MSH5: variants seen among roughly 807,000 people sequenced by gnomAD.
MSH5 encodes mutS homolog 5, also known as mutS protein homolog 5.
In MSH5, 78 loss-of-function variants were observed where a neutral mutation model predicts 107.7. That is an observed-to-expected ratio of 0.72 (90% CI 0.60 to 0.87). The LOEUF is 0.87. Among genes scored for constraint, MSH5 ranks in the 40% least tolerant of loss-of-function variants. MSH5 has a pLI of 0.00. For synonymous variants in MSH5, 326 were observed against 399.5 expected (o/e 0.82, Z 2.19); for missense variants, 889 against 1,046.6 (o/e 0.85, Z 2.08).
At position 31,758,104 on chromosome 6, in the gene MSH5, C is replaced by T; in HGVS notation, c.1015-61C>T. ...GGTCTTTGTTCTTCTGAGTCTGTCCCTATCACCACCTCAACCCGAGCTGGA... is the reference window on the plus strand; with the variant it reads ...GGTCTTTGTTCTTCTGAGTCTGTCCTTATCACCACCTCAACCCGAGCTGGA... On this transcript the variant is annotated intron_variant, in intron 12 of 24. Coordinates refer to ENST00000375750, the MANE Select transcript of MSH5 (RefSeq NM_172166.4). The surrounding 1 kb of genome is among the most constrained non-coding windows in gnomAD (Gnocchi z 5.1). 1 of 1,605,796 alleles carries T rather than the reference C, an allele frequency of 6.2e-7. No homozygotes were observed. Among genetic ancestry groups the T allele is most frequent in the East Asian group, 2.2e-5 (1 of 44,758 alleles).
chr6:31,752,875 T>C (rs1810091607), intron 10 of MSH5, among the ~76,000 whole-genome samples: 1 of 152,208 alleles, frequency 6.6e-6, no homozygotes, highest in Non-Finnish European at 1.5e-5. Flanking sequence ...TATGAAAAGA[T>C]GAATGTCTGT....
At chr6:31,752,816 A>G (rs933427311) in intron 10 of MSH5, among the ~76,000 whole-genome samples, 2 of 152,076 alleles carry the variant, frequency 1.3e-5, no homozygotes, top group Admixed American at 1.3e-4. Flanking sequence ...ATTATTATGA[A>G]TTAAAGCTTA....
chr6:31,753,830 G>T, intron 12 of MSH5: 1 of 539,030 alleles, frequency 1.9e-6, no homozygotes, highest in South Asian at 2.4e-5. Flanking sequence ...CTGGGTTCAA[G>T]CAATTCTGCC....
chr6:31,746,055 CG>C (rs1809418575), intron 9 of MSH5: 1 of 136,694 alleles, frequency 7.3e-6, no homozygotes, highest in Admixed American at 7.8e-5. Context: ...CGTGAGCCAC[CG>C]CGCCTGGCCA....
At position 31,758,486 on chromosome 6, in the gene MSH5, A is replaced by T. The variant is rs1365610631; in HGVS notation, c.1144-62A>T. The T allele has an allele frequency of 6.3e-7, 1 of 1,596,996 alleles. No homozygotes were observed. On this transcript the variant is annotated intron_variant, in intron 13 of 24. Transcript: ENST00000375750. The surrounding 1 kb of genome is among the most constrained non-coding windows in gnomAD (Gnocchi z 5.1). ...GGACTGCAGGGAGAATTGGGGCCCA[A>T]GGAGAGCTGAGGAACAGGACAGAGG...
At chr6:31,762,278 T>G in intron 24 of MSH5, 93 bp downstream of exon 24, 3 of 1,478,602 alleles carry the variant, frequency 2.0e-6, no homozygotes, top group Non-Finnish European at 1.9e-6. Flanking sequence ...TCCAGCACTT[T>G]GCCCTTCAGA....
intron 10 of MSH5, among the ~76,000 whole-genome samples, chr6:31,752,904 C>G (rs1293302281): frequency 3.9e-5 from 6 of 152,152 alleles, no homozygotes; most frequent in African/African-American, 1.4e-4. Context: ...CCCAGAGACA[C>G]TTTCACAGCT....
At chr6:31,745,186 T>C (rs373103984) in intron 8 of MSH5, 51 bp from the exon 9 acceptor site, 6 of 1,076,108 alleles carry the variant, frequency 5.6e-6, no homozygotes, top group South Asian at 5.0e-5. Flanking sequence ...TCAATTCTTA[T>C]TCCCTTCAAA....
At chr6:31,753,664 G>A (rs1456020304) in intron 12 of MSH5, 35 bp downstream of exon 12, 2 of 1,598,590 alleles carry the variant, frequency 1.3e-6, no homozygotes, top group Admixed American at 1.7e-5. Context: ...AAAAGTCCAG[G>A]TAAAGGCCCT....
chr6:31,742,942 T>C lies in MSH5; in HGVS notation c.337T>C (p.Phe113Leu). 6.2e-7 allele frequency: 1 copy of C among 1,612,994 alleles called. No homozygotes were observed. Among genetic ancestry groups the C allele is most frequent in the South Asian group, 1.1e-5 (1 of 91,086 alleles). ...SAKQDENMTR[F>L]LGKLASQEHR... is the part of the protein sequence containing the mutation. ...CAAACAGGATGAGAATATGACTCGATTTCTGGGAAAGCTTGGTAAGGACTT... is the reference window on the plus strand; with the variant it reads ...CAAACAGGATGAGAATATGACTCGACTTCTGGGAAAGCTTGGTAAGGACTT... The change falls in exon 4 of 25, where the codon TTT (phenylalanine) becomes CTT (leucine). Residue 113 changes from phenylalanine to leucine, a missense_variant. Phe to Leu is a conservative substitution (Grantham distance 22). This residue lies in a region of MSH5 where 518 missense variants were observed against 565.0 expected (regional missense o/e 0.92). Transcript: ENST00000375750.
chr6:31,753,860 G>C (rs1489566307), intron 12 of MSH5: 5 of 472,862 alleles, frequency 1.1e-5, no homozygotes, highest in Admixed American at 6.5e-5. Context: ...CGAGAAGTTG[G>C]GATTACAAGC....
chr6:31,742,722 A>G (rs1324821475), intron 3 of MSH5, among the ~76,000 whole-genome samples, 155 bp from the exon 4 acceptor site: 1 of 151,986 alleles, frequency 6.6e-6, no homozygotes, highest in African/African-American at 2.4e-5. Context: ...CTAAATCTCA[A>G]CTTCTACCTG....
Position 31,740,960 on chromosome 6 carries a change from C to CAAAG in MSH5, c.148-191_148-188dup, listed in dbSNP as rs1020080428. Among the ~76,000 whole-genome samples, 1 of 149,426 alleles carries CAAAG rather than the reference C, an allele frequency of 6.7e-6. No individual in the cohort carries two copies. The highest frequency in any genetic ancestry group is 2.1e-4 in the South Asian group (1 of 4,698). On this transcript the variant is annotated intron_variant, in intron 2 of 24. Coordinates refer to ENST00000375750, the MANE Select transcript of MSH5 (RefSeq NM_172166.4). The surrounding 1 kb of genome is among the most constrained non-coding windows in gnomAD (Gnocchi z 4.4). ...TGGGCGACAGAGCAAGACTCCGTCT[C>CAAAG]AAAGAAAGAAAGAAAAAAAAAACAG...
At chr6:31,762,317 A>T in intron 24 of MSH5, 103 bp from the exon 25 acceptor site, 1 of 1,357,536 alleles carries the variant, frequency 7.4e-7, no homozygotes, top group Non-Finnish European at 1.1e-6. Context: ...GAAATCCCTA[A>T]ATCTTCAAGA....
chr6:31,750,605 T>C (rs1173966155), intron 10 of MSH5, among the ~76,000 whole-genome samples: 1 of 152,218 alleles, frequency 6.6e-6, no homozygotes. Context: ...GATACCTAAG[T>C]GTTTAGTGCA....
intron 8 of MSH5, 40 bp from the exon 9 acceptor site, chr6:31,745,197 A>G: frequency 7.7e-7 from 1 of 1,301,386 alleles, no homozygotes; most frequent in Non-Finnish European, 1.1e-6. Flanking sequence ...TCCCTTCAAA[A>G]GTCCAAGTTA....
At chr6:31,744,840 G>A (rs923583903) in intron 8 of MSH5, among the ~76,000 whole-genome samples, 10 of 152,056 alleles carry the variant, frequency 6.6e-5, no homozygotes, top group African/African-American at 2.4e-4. Context: ...TCGGCTGGGC[G>A]CGGTGGCTCA....
At chr6:31,754,018 G>T in intron 12 of MSH5, 1 of 176,798 alleles carries the variant, frequency 5.7e-6, no homozygotes, top group Non-Finnish European at 1.2e-5. Flanking sequence ...GAACCACCAG[G>T]CCCGGCCTCC....
In MSH5 at chr6:31,761,506, G is replaced by T. The variant is rs201166095; in HGVS notation, c.2072G>T (p.Arg691Leu). The change falls in exon 22 of 25, where the codon CGA becomes CTA. Residue 691 changes from arginine to leucine, a missense_variant. Physicochemically the swap from Arg to Leu is moderately radical, Grantham distance 102 (BLOSUM62 -2). This residue lies in a region of MSH5 where 362 missense variants were observed against 456.2 expected (regional missense o/e 0.79). Transcript: ENST00000375750. The surrounding 1 kb of genome is among the most constrained non-coding windows in gnomAD (Gnocchi z 5.3). ...CTCGCGCTTCTGGCCGCTGTGCTCC[G>T]ACACTGGCTGGCACGTGGACCCACA... Reference protein sequence around the residue: ...DGLALLAAVLRHWLARGPTCP... With the variant: ...DGLALLAAVLLHWLARGPTCP... 7.0e-5 allele frequency: 113 copies of T among 1,613,660 alleles called. 1 individual carries two copies. In the Middle Eastern group the frequency reaches 2.4e-3, roughly 35 times the overall value.
Sources: allele counts gnomAD v4.1 joint callset (sites outside exome capture counted in the v4.1 genomes callset), GRCh38; gene constraint gnomAD v4.1.1; regional missense constraint gnomAD v4.1.1; non-coding constraint Gnocchi (gnomAD v3.1); transcripts MANE v1.5; gene names NCBI Gene and HGNC (gene_info 2026-07-23, HGNC 2026-07-21).